Variants in DCC observed in about 807,000 individuals in gnomAD.
DCC encodes the protein DCC netrin 1 receptor.
Under a neutral mutation model 172.5 loss-of-function variants are expected in DCC, and 58 were observed. The observed-to-expected ratio is 0.34, with a 90% confidence interval of 0.27 to 0.42. The LOEUF (loss-of-function observed/expected upper bound fraction) is 0.42, where lower values mean the gene tolerates loss of function less well. DCC is among the 10% of genes least tolerant of loss of function. DCC has a pLI of 1.00. For missense variants in DCC, 1,740 were observed against 1,791.0 expected (o/e 0.97, Z 0.51); for synonymous variants, 709 against 644.5 (o/e 1.10, Z -1.52).
At chr18:52,494,662 T>C (rs1030279391) in intron 1 of DCC, among the ~76,000 whole-genome samples, 10 of 152,088 alleles carry the variant, frequency 6.6e-5, no homozygotes, top group Non-Finnish European at 8.8e-5. Flanking sequence ...AGCATTTTCA[T>C]TGGATTCTTT....
chr18:52,736,895 A>T (rs1298732568), intron 1 of DCC, among the ~76,000 whole-genome samples: 1 of 152,086 alleles, frequency 6.6e-6, no homozygotes. Flanking sequence ...ATTATGGGGG[A>T]ACCCACATTT....
chr18:52,887,224 C>T (rs1431740), intron 2 of DCC, among the ~76,000 whole-genome samples: 1 of 151,978 alleles, frequency 6.6e-6, no homozygotes, highest in African/African-American at 2.4e-5. Flanking sequence ...CCTGTTATCA[C>T]TCTGCAACTT....
intron 7 of DCC, among the ~76,000 whole-genome samples, chr18:53,087,054 A>G (rs568141335): frequency 3.9e-5 from 6 of 152,020 alleles, no homozygotes; most frequent in South Asian, 4.2e-4. Flanking sequence ...TAGTGCCGCA[A>G]TAAACATACG....
chr18:53,446,897 T>G (rs1428097437), intron 22 of DCC, among the ~76,000 whole-genome samples: 2 of 152,330 alleles, frequency 1.3e-5, no homozygotes, highest in Admixed American at 6.5e-5. Flanking sequence ...AATGTAGTGC[T>G]GAAGTGCTTT....
intron 27 of DCC, among the ~76,000 whole-genome samples, chr18:53,512,997 G>T (rs1010518905): frequency 1.3e-5 from 2 of 152,018 alleles, no homozygotes; most frequent in African/African-American, 4.8e-5. Flanking sequence ...GCAACTCCAA[G>T]ACACATAATT....
At chr18:52,991,298 C>T (rs901077618) in intron 5 of DCC, among the ~76,000 whole-genome samples, 6 of 152,108 alleles carry the variant, frequency 3.9e-5, no homozygotes, top group African/African-American at 1.4e-4. Context: ...ATCTATTTAG[C>T]AGTCTGCAAA....
chr18:52,797,948 G>A (rs1210446337), intron 2 of DCC, among the ~76,000 whole-genome samples: 1 of 150,170 alleles, frequency 6.7e-6, no homozygotes, highest in Non-Finnish European at 1.5e-5. Context: ...CTGTTCTCAG[G>A]CACCACTGGT....
intron 1 of DCC, among the ~76,000 whole-genome samples, chr18:52,396,954 G>A (rs562129221): frequency 1.1e-4 from 17 of 152,116 alleles, no homozygotes; most frequent in African/African-American, 4.1e-4. Flanking sequence ...CAAGCATATA[G>A]TGGGTACTCA....
chr18:53,435,275 T>G, intron 22 of DCC, 66 bp downstream of exon 22: 1 of 1,094,226 alleles, frequency 9.1e-7, no homozygotes, highest in Non-Finnish European at 1.4e-6. Context: ...CAAGAGTGTC[T>G]GGGGCAAATT....
intron 5 of DCC, among the ~76,000 whole-genome samples, chr18:53,019,989 T>C (rs1293583029): frequency 6.6e-6 from 1 of 152,124 alleles, no homozygotes; most frequent in Admixed American, 6.6e-5. Context: ...TGTAGCCACA[T>C]GCAGGTAAAC....
chr18:52,940,318 G>T (rs1460215630), intron 5 of DCC, among the ~76,000 whole-genome samples: 1 of 152,162 alleles, frequency 6.6e-6, no homozygotes, highest in Non-Finnish European at 1.5e-5. Flanking sequence ...GCAGAGACCA[G>T]AGTAAGAAGT....
At chr18:52,789,599 C>T (rs1331239666) in intron 2 of DCC, among the ~76,000 whole-genome samples, 4 of 152,126 alleles carry the variant, frequency 2.6e-5, no homozygotes, top group Admixed American at 1.3e-4. Context: ...TAAAAAGTAA[C>T]CTCACAGGTG....
intron 5 of DCC, among the ~76,000 whole-genome samples, chr18:52,945,183 G>C (rs2040523492): frequency 6.6e-6 from 1 of 152,102 alleles, no homozygotes; most frequent in Non-Finnish European, 1.5e-5. Flanking sequence ...AACCTCTGTT[G>C]CTGGTGCTAT....
chr18:53,097,046 G>C (rs939024749), intron 7 of DCC, among the ~76,000 whole-genome samples: 2 of 152,148 alleles, frequency 1.3e-5, no homozygotes, highest in Non-Finnish European at 1.5e-5. Context: ...TTGAAGATAA[G>C]TCTTTAGGGT....
At chr18:52,593,327 C>A (rs572250542) in intron 1 of DCC, among the ~76,000 whole-genome samples, 11 of 152,242 alleles carry the variant, frequency 7.2e-5, no homozygotes, top group African/African-American at 2.6e-4. Context: ...TGATCTGCAT[C>A]CTCCCACTAC....
chr18:53,081,227 T>A (rs1407689575), intron 7 of DCC, among the ~76,000 whole-genome samples: 6 of 152,098 alleles, frequency 3.9e-5, no homozygotes, highest in African/African-American at 1.4e-4. Context: ...CTAAATAGTT[T>A]AATATGGATT....
Position 53,402,787 on chromosome 18 carries a change from C to T in DCC, c.2829C>T (p.Ala943=). 6 of 1,612,208 alleles carry T rather than the reference C, an allele frequency of 3.7e-6. No homozygotes were observed. The highest frequency in any genetic ancestry group is 5.1e-6 in the Non-Finnish European group (6 of 1,178,276). The part of the protein sequence containing the change: ...MTAHATTYEA[A]PTSAPKDLTV... Reference sequence around the variant, plus strand: ...CCTTATCTCTGTCTCACCTCACAGCCCCCACCTCTGCTCCCAAGGACTTGA... The same window carrying T: ...CCTTATCTCTGTCTCACCTCACAGCTCCCACCTCTGCTCCCAAGGACTTGA... The change falls in exon 19 of 29, where the codon GCC becomes GCT. Residue 943 remains alanine, a splice_region_variant and synonymous_variant. Transcript: ENST00000442544.
At chr18:52,409,016 C>A (rs986586422) in intron 1 of DCC, 1 of 152,050 alleles carries the variant, frequency 6.6e-6, no homozygotes, top group East Asian at 1.9e-4. Flanking sequence ...GGATATACCC[C>A]TACAGACAAT....
rs1180487584 is a variant in DCC at position 52,906,083 on chromosome 18, C to T, written c.452C>T (p.Ala151Val). Residue 151 changes from alanine (A) to valine (V), a missense_variant, in exon 3 of 29, where the codon GCC (alanine) becomes GTC (valine). Physicochemically the swap from Ala to Val is moderately conservative, Grantham distance 64 (BLOSUM62 0). Around this residue, in one of 2 missense-constraint regions of DCC, gnomAD observed 1,732 missense variants for 1,767.4 expected, o/e 0.98. Coordinates refer to ENST00000442544, the MANE Select transcript of DCC (RefSeq NM_005215.4). ...RFLSQTESVT[A>V]FMGDTVLLKC... ...CTTTCACAGACAGAATCTGTCACAG[C>T]CTTCATGGGAGACACAGTGCTACTC... 3.7e-6 allele frequency: 6 copies of T among 1,612,660 alleles called. No individual in the cohort carries two copies. The highest frequency in any genetic ancestry group is 4.2e-6 in the Non-Finnish European group (5 of 1,178,784).
Sources: allele counts gnomAD v4.1 joint callset (sites outside exome capture counted in the v4.1 genomes callset), GRCh38; gene constraint gnomAD v4.1.1; regional missense constraint gnomAD v4.1.1; transcripts MANE v1.5; gene names NCBI Gene and HGNC (gene_info 2026-07-23, HGNC 2026-07-21).